The following GPHN variants were observed in gnomAD, a reference collection of about 807,000 sequenced individuals.
GPHN encodes gephyrin.
GPHN carries 17 observed loss-of-function variants against 95.5 expected under a neutral mutation model. The observed-to-expected ratio is 0.18, with a 90% CI of 0.12 to 0.27. GPHN has a LOEUF of 0.27. GPHN is among the 10% of genes least tolerant of loss of function. GPHN has a pLI of 1.00. For synonymous variants in GPHN, 320 were observed against 322.5 expected (o/e 0.99, Z 0.08); for missense variants, 660 against 978.1 (o/e 0.67, Z 4.34).
the GPHN span, among the ~76,000 whole-genome samples, chr14:67,421,421 C>T: frequency 2.0e-5 from 3 of 152,098 alleles, no homozygotes; most frequent in Non-Finnish European, 4.4e-5. Context: ...AGTTGAGCCC[C>T]ACAGCAGGAG....
chr14:67,442,865 G>A, the GPHN span, among the ~76,000 whole-genome samples: 1 of 152,166 alleles, frequency 6.6e-6, no homozygotes, highest in Non-Finnish European at 1.5e-5. Flanking sequence ...GCCTCCCAAA[G>A]GGAAGATTTT....
the GPHN span, among the ~76,000 whole-genome samples, chr14:67,194,278 C>T: frequency 6.6e-6 from 1 of 150,966 alleles, no homozygotes; most frequent in Non-Finnish European, 1.5e-5. Flanking sequence ...GTGGGAGGAT[C>T]ACTTGAGCCC....
At chr14:67,000,145 G>T (rs1307837502) in intron 9 of GPHN, among the ~76,000 whole-genome samples, 2 of 151,734 alleles carry the variant, frequency 1.3e-5, no homozygotes, top group Non-Finnish European at 3.0e-5. Context: ...CAAAATAGTT[G>T]CCCTTTGAAC....
the GPHN span, among the ~76,000 whole-genome samples, chr14:67,577,632 T>C: frequency 6.6e-6 from 1 of 152,164 alleles, no homozygotes; most frequent in Non-Finnish European, 1.5e-5. Context: ...GAAATGCCAA[T>C]GAAAACTCTC....
chr14:66,855,795 T>A (rs1221945077), intron 4 of GPHN, among the ~76,000 whole-genome samples: 1 of 152,152 alleles, frequency 6.6e-6, no homozygotes, highest in Non-Finnish European at 1.5e-5. Flanking sequence ...CATTTTTGTA[T>A]GTGGTGTGAG....
the GPHN span, among the ~76,000 whole-genome samples, chr14:67,396,944 CTT>C: frequency 1.3e-3 from 186 of 139,136 alleles, no homozygotes; most frequent in African/African-American, 1.5e-3. Flanking sequence ...TATTGGGAGA[CTT>C]TTTTTTTTTT....
At chr14:67,016,624 A>G (rs1007901670) in intron 9 of GPHN, among the ~76,000 whole-genome samples, 1 of 152,150 alleles carries the variant, frequency 6.6e-6, no homozygotes, top group African/African-American at 2.4e-5. Flanking sequence ...TAAAACCCCT[A>G]GAAACATCCA....
chr14:67,350,491 A>T, the GPHN span: 1 of 753,114 alleles, frequency 1.3e-6, no homozygotes. Context: ...ATTCTTTCTT[A>T]TTATTACTAT....
chr14:67,733,844 A>T, the GPHN span: 2 of 1,610,584 alleles, frequency 1.2e-6, no homozygotes, highest in Non-Finnish European at 1.7e-6. Context: ...ATCCGGTGGG[A>T]GTAGCTGGTG....
the GPHN span, among the ~76,000 whole-genome samples, chr14:67,224,289 TACTC>T: frequency 3.3e-5 from 5 of 150,120 alleles, no homozygotes; most frequent in African/African-American, 1.2e-4. Flanking sequence ...GACAGAGTCT[TACTC>T]TGTCGCCCAG....
At chr14:66,615,548 C>T (rs1301050941) in intron 1 of GPHN, among the ~76,000 whole-genome samples, 3 of 149,438 alleles carry the variant, frequency 2.0e-5, no homozygotes, top group African/African-American at 7.4e-5. Context: ...ATATCTTTTG[C>T]CTACTTTTTG....
the GPHN span, among the ~76,000 whole-genome samples, chr14:67,469,373 C>T: frequency 1.3e-5 from 2 of 151,376 alleles, no homozygotes; most frequent in African/African-American, 4.9e-5. Context: ...AAATCCTGGG[C>T]TCACGTGATC....
At chr14:67,265,845 A>G in the GPHN span, among the ~76,000 whole-genome samples, 1 of 150,314 alleles carries the variant, frequency 6.7e-6, no homozygotes, top group Non-Finnish European at 1.5e-5. Flanking sequence ...TGACAGAGTG[A>G]GACTCCATCT....
intron 2 of GPHN, among the ~76,000 whole-genome samples, chr14:66,766,408 A>G (rs1277746524): frequency 2.6e-5 from 4 of 152,158 alleles, no homozygotes; most frequent in Non-Finnish European, 5.9e-5. Context: ...AAAATACTGA[A>G]AAAAAGAGAA....
intron 4 of GPHN, among the ~76,000 whole-genome samples, chr14:66,839,606 C>T (rs899973427): frequency 6.6e-6 from 1 of 152,090 alleles, no homozygotes; most frequent in Non-Finnish European, 1.5e-5. Context: ...TATTGTATAA[C>T]TATAATGGAG....
At chr14:66,740,928 G>A (rs1286056407) in intron 2 of GPHN, among the ~76,000 whole-genome samples, 3 of 152,138 alleles carry the variant, frequency 2.0e-5, no homozygotes, top group Non-Finnish European at 4.4e-5. Flanking sequence ...TACAGTTCTG[G>A]AAAGCCGGGA....
intron 3 of GPHN, among the ~76,000 whole-genome samples, chr14:66,819,377 A>G (rs2061101458): frequency 6.6e-6 from 1 of 152,144 alleles, no homozygotes; most frequent in Non-Finnish European, 1.5e-5. Flanking sequence ...TTCAAAGATC[A>G]GAGAGTTGTA....
At chr14:67,608,387 G>C in the GPHN span, among the ~76,000 whole-genome samples, 1 of 152,078 alleles carries the variant, frequency 6.6e-6, no homozygotes, top group South Asian at 2.1e-4. Flanking sequence ...GATGCTTTAA[G>C]GTATACAGGA....
At chr14:66,611,319 G>T (rs117690482) in intron 1 of GPHN, among the ~76,000 whole-genome samples, 2,017 of 152,216 alleles carry the variant, frequency 0.013, 23 homozygotes, top group Non-Finnish European at 0.018. Context: ...CAAGGCCATT[G>T]GTAGTGGTGG....
Sources: allele counts gnomAD v4.1 joint callset (sites outside exome capture counted in the v4.1 genomes callset), GRCh38; gene constraint gnomAD v4.1.1; transcripts MANE v1.5; gene names NCBI Gene and HGNC (gene_info 2026-07-23, HGNC 2026-07-21).